Variants in TNRC6B observed in about 807,000 individuals in gnomAD.
TNRC6B encodes the protein trinucleotide repeat containing adaptor 6B.
A neutral mutation model predicts 203.6 loss-of-function variants in TNRC6B; 52 were observed. The observed-to-expected ratio is 0.26, with a 90% CI of 0.20 to 0.32. The LOEUF (loss-of-function observed/expected upper bound fraction) is 0.32. TNRC6B is among the 10% of genes least tolerant of loss of function. The pLI is 1.00. For synonymous variants in TNRC6B, 838 were observed against 845.7 expected (o/e 0.99, Z 0.16); for missense variants, 1,923 against 2,286.2 (o/e 0.84, Z 3.24).
At chr22:40,147,258 G>C (rs1037117378) in intron 3 of TNRC6B, among the ~76,000 whole-genome samples, 5 of 151,712 alleles carry the variant, frequency 3.3e-5, no homozygotes, top group African/African-American at 1.2e-4. Flanking sequence ...GAGTCATAGA[G>C]ACAGAAAGTG....
chr22:40,269,765 G>A (rs1407410015), intron 5 of TNRC6B, among the ~76,000 whole-genome samples: 1 of 151,582 alleles, frequency 6.6e-6, no homozygotes, highest in Non-Finnish European at 1.5e-5. Context: ...GCACACGCCT[G>A]TAATCTCAGC....
At chr22:40,229,819 A>T (rs375724087) in intron 1 of TNRC6B, among the ~76,000 whole-genome samples, 4 of 152,310 alleles carry the variant, frequency 2.6e-5, no homozygotes, top group East Asian at 1.9e-4. Flanking sequence ...AGTAAGTAGC[A>T]TTCTGTTGTA....
chr22:40,118,171 G>A (rs1346539832), intron 2 of TNRC6B, among the ~76,000 whole-genome samples: 3 of 152,128 alleles, frequency 2.0e-5, no homozygotes, highest in Non-Finnish European at 2.9e-5. Context: ...CCTAGTGTAT[G>A]CACCTTGTCT....
At chr22:40,148,632 A>G (rs2068717984) in intron 3 of TNRC6B, among the ~76,000 whole-genome samples, 1 of 80,960 alleles carries the variant, frequency 1.2e-5, no homozygotes, top group Admixed American at 9.5e-5. Flanking sequence ...ATGTGATCCA[A>G]CTGTTCTACT....
At chr22:40,274,305 C>T (rs1378945050) in intron 7 of TNRC6B, among the ~76,000 whole-genome samples, 2 of 152,178 alleles carry the variant, frequency 1.3e-5, no homozygotes, top group Non-Finnish European at 2.9e-5. Flanking sequence ...CCGCGGCAAT[C>T]AGCACGTCTT....
chr22:40,152,331 T>C (rs998636848), intron 3 of TNRC6B, among the ~76,000 whole-genome samples: 2 of 152,082 alleles, frequency 1.3e-5, no homozygotes, highest in African/African-American at 4.8e-5. Context: ...TTTTTGTTTG[T>C]TTGTTTTTGT....
chr22:40,089,320 C>T (rs900156240), intron 1 of TNRC6B, among the ~76,000 whole-genome samples: 2 of 152,070 alleles, frequency 1.3e-5, no homozygotes, highest in East Asian at 1.9e-4. Context: ...GCAACCTCCG[C>T]CTCCCGTGTT....
At position 40,059,091 on chromosome 22, in the gene TNRC6B, T is replaced by G. The variant is rs941557469; in HGVS notation, c.-121+14093T>G. On this transcript the variant is annotated intron_variant, in intron 1 of 23. Transcript: ENST00000301923. ...TTCTTTCTTTTGAATCTTTGCGTTCTGTACAATCTTTTCTCTGTTTTCCAT... is the reference window on the plus strand; with the variant it reads ...TTCTTTCTTTTGAATCTTTGCGTTCGGTACAATCTTTTCTCTGTTTTCCAT... Among the ~76,000 whole-genome samples the G allele has an allele frequency of 9.8e-5, 15 of 152,364 alleles. No individual in the cohort carries two copies. The South Asian group carries it at 1.4e-3, about 15-fold the overall frequency.
chr22:40,048,921 A>G (rs2067719445), intron 1 of TNRC6B, among the ~76,000 whole-genome samples: 1 of 151,010 alleles, frequency 6.6e-6, no homozygotes, highest in Non-Finnish European at 1.5e-5. Flanking sequence ...GCTCACCACA[A>G]CCTCTGCCCC....
intron 4 of TNRC6B, among the ~76,000 whole-genome samples, chr22:40,167,838 G>A (rs966701611): frequency 1.3e-5 from 2 of 150,850 alleles, no homozygotes; most frequent in Admixed American, 1.3e-4. Context: ...AGCCATGATT[G>A]TAGCCGGGGC....
intron 4 of TNRC6B, among the ~76,000 whole-genome samples, chr22:40,159,990 T>G (rs1008998042): frequency 6.6e-6 from 1 of 151,776 alleles, no homozygotes; most frequent in Non-Finnish European, 1.5e-5. Context: ...TAAAAAAAAT[T>G]TTTTTTGTAG....
chr22:40,298,975 AAAG>A (rs2146545402), intron 12 of TNRC6B, among the ~76,000 whole-genome samples: 2 of 148,912 alleles, frequency 1.3e-5, no homozygotes, highest in African/African-American at 5.0e-5. Context: ...CAAAAAAAAA[AAAG>A]AAATGGCAGA....
intron 1 of TNRC6B, among the ~76,000 whole-genome samples, chr22:40,178,750 T>G (rs1453457547): frequency 6.6e-6 from 1 of 152,158 alleles, no homozygotes; most frequent in African/African-American, 2.4e-5. Flanking sequence ...CCAAGCAATA[T>G]GTGGCTCACC....
intron 2 of TNRC6B, among the ~76,000 whole-genome samples, chr22:40,248,824 G>A (rs940122463): frequency 1.4e-4 from 21 of 152,208 alleles, no homozygotes; most frequent in African/African-American, 4.8e-4. Context: ...GCTTGACATA[G>A]AATCTAGGCT....
In TNRC6B at chr22:40,131,535, C is replaced by T. The variant is rs544014944; in HGVS notation, c.45+5673C>T. Among the ~76,000 whole-genome samples, 7 of 152,076 alleles carry T rather than the reference C, an allele frequency of 4.6e-5. No homozygotes were observed. The East Asian group carries it at 1.4e-3, about 29-fold the overall frequency. ...TCCTTATTTTTGCCTCCTTTCCTCC[C>T]CTCCTCTCTCCTGATTAATTCAGCA... On this transcript the variant is annotated intron_variant, in intron 3 of 23. Coordinates refer to the TNRC6B transcript ENST00000301923.
upstream of TNRC6B, among the ~76,000 whole-genome samples, chr22:40,174,572 G>C (rs2069037170): frequency 6.6e-6 from 1 of 152,164 alleles, no homozygotes; most frequent in African/African-American, 2.4e-5. Flanking sequence ...GAATGTTCTT[G>C]TTTTTAGTTT....
chr22:40,171,970 C>T (rs934405370), intron 4 of TNRC6B, among the ~76,000 whole-genome samples: 5 of 152,260 alleles, frequency 3.3e-5, no homozygotes, highest in East Asian at 1.9e-4. Flanking sequence ...AGGTGATTCT[C>T]GCACCTCAGC....
At chr22:40,261,559 C>A (rs2070382864) in intron 3 of TNRC6B, among the ~76,000 whole-genome samples, 1 of 151,988 alleles carries the variant, frequency 6.6e-6, no homozygotes, top group Admixed American at 6.6e-5. Context: ...GCCTGGGCGA[C>A]ACTCACACTG....
At chr22:40,235,228 A>G (rs2069931494) in intron 1 of TNRC6B, among the ~76,000 whole-genome samples, 1 of 152,176 alleles carries the variant, frequency 6.6e-6, no homozygotes, top group South Asian at 2.1e-4. Flanking sequence ...GAAAACCCCT[A>G]TTTAAATCTG....
Sources: allele counts gnomAD v4.1 joint callset (sites outside exome capture counted in the v4.1 genomes callset), GRCh38; gene constraint gnomAD v4.1.1; transcripts MANE v1.5; gene names NCBI Gene and HGNC (gene_info 2026-07-23, HGNC 2026-07-21).